The following AKAP6 variants were observed in gnomAD, a reference collection of about 807,000 sequenced individuals.
AKAP6 encodes the protein A-kinase anchor protein 6.
AKAP6 carries 58 observed loss-of-function variants against 188.5 expected under a neutral mutation model. That is an observed-to-expected ratio of 0.31 (90% CI 0.25 to 0.38). AKAP6 has a LOEUF of 0.38. AKAP6 is among the 10% of genes least tolerant of loss of function. The pLI is 1.00. For missense variants in AKAP6, 2,710 were observed against 2,740.0 expected (o/e 0.99, Z 0.24); for synonymous variants, 989 against 998.6 (o/e 0.99, Z 0.18).
intron 1 of AKAP6, among the ~76,000 whole-genome samples, chr14:32,398,525 T>C (rs1888952799): frequency 6.6e-6 from 1 of 152,178 alleles, no homozygotes; most frequent in African/African-American, 2.4e-5. Flanking sequence ...ATGTGATGGA[T>C]GTGGTTTGAT....
intron 1 of AKAP6, among the ~76,000 whole-genome samples, chr14:32,371,981 C>T (rs1888023521): frequency 6.6e-6 from 1 of 151,752 alleles, no homozygotes; most frequent in Admixed American, 6.6e-5. Flanking sequence ...CCTCTTCCTC[C>T]CTTCTCTCCT....
In AKAP6 at chr14:32,786,103, C is replaced by G. The variant is rs146173729; in HGVS notation, c.3588+12210C>G. 7.9e-5 allele frequency among the ~76,000 whole-genome samples: 12 copies of G among 152,138 alleles called. 1 individual carries two copies. In the East Asian group the frequency reaches 2.1e-3, roughly 27 times the overall value. Reference sequence around the variant, plus strand: ...TGCATCTGGGGAGACAGTAACAATGCATGAAACAACCCCGTATGCAGACAG... The same window carrying G: ...TGCATCTGGGGAGACAGTAACAATGGATGAAACAACCCCGTATGCAGACAG... On this transcript the variant is annotated intron_variant, in intron 12 of 13. Coordinates refer to ENST00000280979, the MANE Select transcript of AKAP6 (RefSeq NM_004274.5).
At chr14:32,534,398 C>T (rs1882572426) in intron 2 of AKAP6, among the ~76,000 whole-genome samples, 1 of 152,136 alleles carries the variant, frequency 6.6e-6, no homozygotes, top group African/African-American at 2.4e-5. Flanking sequence ...GTAAATACTA[C>T]CATTGATGCC....
intron 1 of AKAP6, among the ~76,000 whole-genome samples, chr14:32,340,751 G>A (rs1250554328): frequency 6.6e-6 from 1 of 152,220 alleles, no homozygotes. Flanking sequence ...AAGCTGGGAA[G>A]TCCAAGGTCA....
At position 32,821,596 on chromosome 14, in the gene AKAP6, T is replaced by C. The variant is rs377277173; in HGVS notation, c.3783T>C (p.Tyr1261=). The C allele has an allele frequency of 4.3e-6, 7 of 1,613,618 alleles. No individual in the cohort carries two copies. In the African/African-American group the frequency reaches 6.7e-5, roughly 15 times the overall value. The part of the protein sequence containing the change: ...LGETSNEDPG[Y]DEEADNHGGS... ...AGACAAGTAATGAGGACCCTGGTTA[T>C]GACGAGGAGGCTGATAACCATGGGG... The change falls in exon 13 of 14, where the codon TAT becomes TAC. Residue 1261 remains tyrosine, a synonymous_variant. Coordinates refer to ENST00000280979, the MANE Select transcript of AKAP6 (RefSeq NM_004274.5).
rs773505833 is a variant in AKAP6 at position 32,678,417 on chromosome 14, A to G, written c.2837A>G (p.Glu946Gly). The G allele has an allele frequency of 2.5e-6, 4 of 1,613,980 alleles. No individual in the cohort carries two copies. In the East Asian group the frequency reaches 8.9e-5, roughly 36 times the overall value. ...QYTSSSKRKE[E>G]FADMSKVHSV... is the part of the protein sequence containing the mutation. ...ACCAGCAGCAGCAAGCGAAAGGAAG[A>G]GTTTGCTGATATGTCAAAAGTTCAT... The change falls in exon 8 of 14, where the codon GAG becomes GGG. Residue 946 changes from glutamate (E) to glycine (G), a missense_variant. Physicochemically the swap from Glu to Gly is moderately conservative, Grantham distance 98. Coordinates refer to ENST00000280979, the MANE Select transcript of AKAP6 (RefSeq NM_004274.5).
intron 3 of AKAP6, among the ~76,000 whole-genome samples, chr14:32,540,168 C>CTCTCTCTATATA (rs1240063339): frequency 5.4e-4 from 33 of 60,902 alleles, no homozygotes; most frequent in African/African-American, 2.8e-3. Context: ...CTCTCTCTCT[C>CTCTCTCTATATA]TATATATATA....
At chr14:32,356,892 A>G (rs777632629) in intron 1 of AKAP6, among the ~76,000 whole-genome samples, 3 of 152,116 alleles carry the variant, frequency 2.0e-5, no homozygotes, top group Non-Finnish European at 4.4e-5. Flanking sequence ...CTCCTGGGGA[A>G]ACTTCTTTGA....
chr14:32,633,775 T>G (rs143668670), intron 7 of AKAP6, among the ~76,000 whole-genome samples: 1 of 152,178 alleles, frequency 6.6e-6, no homozygotes, highest in East Asian at 1.9e-4. Flanking sequence ...TGGAGGGTTG[T>G]TACTGCAGCA....
chr14:32,650,867 C>T (rs1017460219), intron 7 of AKAP6, among the ~76,000 whole-genome samples: 1 of 152,128 alleles, frequency 6.6e-6, no homozygotes, highest in African/African-American at 2.4e-5. Context: ...GTTCTGATAA[C>T]TCTATTTACT....
chr14:32,713,743 G>A (rs192242450), intron 9 of AKAP6, among the ~76,000 whole-genome samples: 1 of 152,114 alleles, frequency 6.6e-6, no homozygotes, highest in Non-Finnish European at 1.5e-5. Flanking sequence ...CTCTGAATTA[G>A]GTTTGGCTTG....
chr14:32,714,035 A>G (rs1207729475), intron 9 of AKAP6, among the ~76,000 whole-genome samples: 2 of 152,016 alleles, frequency 1.3e-5, no homozygotes, highest in African/African-American at 2.4e-5. Context: ...CTTAGAGGCC[A>G]TTGTAGGATT....
chr14:32,773,854 G>C lies in AKAP6; in HGVS notation c.3549G>C (p.Gln1183His), dbSNP rs771296051. Residue 1183 changes from glutamine (Q) to histidine (H), a missense_variant, in exon 12 of 14, where the codon CAG becomes CAC. Coordinates refer to ENST00000280979, the MANE Select transcript of AKAP6 (RefSeq NM_004274.5). Reference sequence around the variant, plus strand: ...AAGCCATTGTCATGCAAGCCGTCCAGTGGCAAACACGTCTACAAAAGAAGA... The same window carrying C: ...AAGCCATTGTCATGCAAGCCGTCCACTGGCAAACACGTCTACAAAAGAAGA... ...RWEAIVMQAV[Q>H]WQTRLQKKMG... is the part of the protein sequence containing the mutation. 1.2e-6 allele frequency: 2 copies of C among 1,614,110 alleles called. No individual in the cohort carries two copies. The highest frequency in any genetic ancestry group is 3.3e-5 in the Admixed American group (2 of 59,986).
intron 2 of AKAP6, chr14:32,484,556 A>T: frequency 4.8e-6 from 1 of 208,556 alleles, no homozygotes; most frequent in Non-Finnish European, 7.0e-6. Flanking sequence ...TAGGGGAACT[A>T]GTCAGTTGCC....
intron 12 of AKAP6, 105 bp downstream of exon 12, chr14:32,773,998 CTA>C: frequency 7.9e-7 from 1 of 1,264,662 alleles, no homozygotes; most frequent in Non-Finnish European, 1.1e-6. Context: ...GTTTTACTAA[CTA>C]ACTTAAAGTG....
rs1490319834 is a variant in AKAP6, at chr14:32,786,308, T to G, written c.3588+12415T>G. 7.7e-4 allele frequency among the ~76,000 whole-genome samples: 70 copies of G among 91,186 alleles called. 9 individuals carry two copies. Among genetic ancestry groups the G allele is most frequent in the African/African-American group, 2.6e-3 (65 of 25,036 alleles). 59.8% of individuals were successfully genotyped at this position (91,186 alleles called of 152,430 possible). On this transcript the variant is annotated intron_variant, in intron 12 of 13. Coordinates refer to ENST00000280979, the MANE Select transcript of AKAP6 (RefSeq NM_004274.5). ...GACCTAAACCTTTATCTTTTTTTTT[T>G]TTTTTTTTTTTTTTTTTGAGACGGA...
chr14:32,534,486 C>T (rs1003486054), intron 2 of AKAP6, among the ~76,000 whole-genome samples: 1 of 152,142 alleles, frequency 6.6e-6, no homozygotes, highest in African/African-American at 2.4e-5. Context: ...TGTCAGATAC[C>T]AAATCTTCCT....
intron 4 of AKAP6, among the ~76,000 whole-genome samples, chr14:32,557,017 C>T (rs1453493563): frequency 3.3e-5 from 5 of 151,798 alleles, no homozygotes; most frequent in Admixed American, 1.3e-4. Flanking sequence ...AGGCTAAGAC[C>T]AAGTCATCTT....
intron 2 of AKAP6, among the ~76,000 whole-genome samples, chr14:32,444,184 G>A (rs1490054418): frequency 6.6e-6 from 1 of 152,158 alleles, no homozygotes; most frequent in African/African-American, 2.4e-5. Flanking sequence ...GTGTGTTCAG[G>A]TTAGTCTGGA....
Sources: allele counts gnomAD v4.1 joint callset (sites outside exome capture counted in the v4.1 genomes callset), GRCh38; gene constraint gnomAD v4.1.1; transcripts MANE v1.5; gene names NCBI Gene and HGNC (gene_info 2026-07-23, HGNC 2026-07-21).